The following NRG1 variants were observed in gnomAD, a reference collection of about 807,000 sequenced individuals.
NRG1 encodes the protein neuregulin 1, also known as pro-neuregulin-1, membrane-bound isoform.
Under a neutral mutation model 63.8 loss-of-function variants are expected in NRG1, and 18 were observed. The observed-to-expected ratio is 0.28, with a 90% CI of 0.19 to 0.42. NRG1 has a LOEUF of 0.42. Ranked by LOEUF, NRG1 falls within the 10% of genes least tolerant of loss-of-function variation. The probability of loss-of-function intolerance (pLI) is 1.00; values close to 1 mark genes in which losing one functional copy is unlikely to be tolerated. For missense variants in NRG1, 762 were observed against 814.7 expected (o/e 0.94, Z 0.79); for synonymous variants, 302 against 301.3 (o/e 1.00, Z -0.02).
intron 1 of NRG1, among the ~76,000 whole-genome samples, chr8:31,818,786 G>C (rs1376242774): frequency 6.6e-6 from 1 of 152,120 alleles, no homozygotes; most frequent in Non-Finnish European, 1.5e-5. Context: ...GGCTGGGCGC[G>C]GTGGCTCACG....
At chr8:31,893,231 G>A (rs1187632236) in intron 1 of NRG1, among the ~76,000 whole-genome samples, 2 of 150,738 alleles carry the variant, frequency 1.3e-5, no homozygotes, top group Non-Finnish European at 3.0e-5. Context: ...AGATACTGGA[G>A]CAACTGGATA....
At chr8:32,421,221 C>A (rs1316010948) in intron 1 of NRG1, among the ~76,000 whole-genome samples, 1 of 151,952 alleles carries the variant, frequency 6.6e-6, no homozygotes, top group Non-Finnish European at 1.5e-5. Context: ...TACTATAGAC[C>A]CCAAGATTGA....
intron 1 of NRG1, among the ~76,000 whole-genome samples, chr8:31,653,119 C>A (rs953459548): frequency 1.7e-4 from 25 of 149,480 alleles, no homozygotes; most frequent in Non-Finnish European, 1.0e-4. Context: ...TAAACGTTAA[C>A]AGTGTTTATC....
intron 5 of NRG1, among the ~76,000 whole-genome samples, chr8:32,626,125 A>G (rs1002700324): frequency 1.3e-5 from 2 of 152,102 alleles, no homozygotes; most frequent in Non-Finnish European, 2.9e-5. Flanking sequence ...GAAAATGAAT[A>G]GATAATAACC....
At chr8:32,650,160 T>G (rs1261092697) in intron 5 of NRG1, among the ~76,000 whole-genome samples, 5 of 152,236 alleles carry the variant, frequency 3.3e-5, no homozygotes, top group Non-Finnish European at 5.9e-5. Flanking sequence ...TGATAAATTA[T>G]TTTATAAAGT....
At chr8:31,788,557 T>C (rs1820398091) in intron 1 of NRG1, among the ~76,000 whole-genome samples, 1 of 152,196 alleles carries the variant, frequency 6.6e-6, no homozygotes, top group African/African-American at 2.4e-5. Flanking sequence ...TTGAGAGTTC[T>C]TAAGACTATT....
At chr8:32,770,824 A>G (rs752679846), downstream of NRG1, among the ~76,000 whole-genome samples, 1 of 152,182 alleles carries the variant, frequency 6.6e-6, no homozygotes, top group African/African-American at 2.4e-5. Flanking sequence ...AAACTTGAAT[A>G]CATGTAAGGA....
At chr8:32,402,202 C>A (rs966678463) in intron 1 of NRG1, among the ~76,000 whole-genome samples, 4 of 152,114 alleles carry the variant, frequency 2.6e-5, no homozygotes, top group Admixed American at 2.6e-4. Context: ...TGTGAGCCAC[C>A]ACGCCTGGCC....
At chr8:32,721,210 G>A (rs1338174678) in intron 5 of NRG1, among the ~76,000 whole-genome samples, 1 of 152,160 alleles carries the variant, frequency 6.6e-6, no homozygotes, top group Non-Finnish European at 1.5e-5. Flanking sequence ...ATTCTTTTGA[G>A]ATGATCTGTA....
intron 1 of NRG1, among the ~76,000 whole-genome samples, chr8:31,740,472 AT>A (rs1279122597): frequency 6.6e-6 from 1 of 152,058 alleles, no homozygotes; most frequent in Non-Finnish European, 1.5e-5. Flanking sequence ...GAGTTCAGTG[AT>A]TTTTTTCTGT....
chr8:32,089,783 C>G (rs1013589440), intron 1 of NRG1, among the ~76,000 whole-genome samples: 1 of 151,862 alleles, frequency 6.6e-6, no homozygotes, highest in East Asian at 1.9e-4. Context: ...TTGGTGAGGA[C>G]ACATATAGGT....
chr8:32,142,510 AG>A (rs1836395829), intron 1 of NRG1, among the ~76,000 whole-genome samples: 1 of 152,184 alleles, frequency 6.6e-6, no homozygotes, highest in Non-Finnish European at 1.5e-5. Flanking sequence ...TACAAGCATT[AG>A]GTTTCTAAAC....
intron 1 of NRG1, among the ~76,000 whole-genome samples, chr8:32,305,658 A>G (rs1464385289): frequency 1.3e-5 from 2 of 152,220 alleles, no homozygotes; most frequent in Non-Finnish European, 2.9e-5. Flanking sequence ...ATTTTAACAA[A>G]AATAGATCTC....
At chr8:32,205,349 A>G (rs998100133) in intron 1 of NRG1, among the ~76,000 whole-genome samples, 1 of 152,298 alleles carries the variant, frequency 6.6e-6, no homozygotes, top group African/African-American at 2.4e-5. Flanking sequence ...TTCCCCAGTG[A>G]TTCTCTGAAC....
At chr8:32,329,465 A>G (rs1475099618) in intron 1 of NRG1, among the ~76,000 whole-genome samples, 1 of 152,224 alleles carries the variant, frequency 6.6e-6, no homozygotes, top group Non-Finnish European at 1.5e-5. Context: ...AAGCATTTTT[A>G]AAAACATGAT....
At chr8:32,304,900 T>C (rs940301471) in intron 1 of NRG1, among the ~76,000 whole-genome samples, 1 of 152,030 alleles carries the variant, frequency 6.6e-6, no homozygotes, top group Non-Finnish European at 1.5e-5. Context: ...CCCACACCTG[T>C]AATCCTAGCT....
At chr8:32,000,966 A>AT (rs1758104051) in intron 1 of NRG1, among the ~76,000 whole-genome samples, 1 of 151,984 alleles carries the variant, frequency 6.6e-6, no homozygotes, top group Non-Finnish European at 1.5e-5. Context: ...TCAAAATACC[A>AT]TTTTTGCCTT....
chr8:32,286,573 G>A (rs1385137913), intron 1 of NRG1, among the ~76,000 whole-genome samples: 1 of 152,234 alleles, frequency 6.6e-6, no homozygotes, highest in Non-Finnish European at 1.5e-5. Context: ...ATTCTGGCAG[G>A]ATCCAGTGAG....
chr8:31,678,567 T>A (rs181396515), intron 1 of NRG1, among the ~76,000 whole-genome samples: 137 of 152,010 alleles, frequency 9.0e-4, no homozygotes, highest in African/African-American at 3.2e-3. Context: ...CCATATATAT[T>A]TTTTTGACAA....
Sources: gnomAD v4.1 joint callset for allele counts (sites outside exome capture counted in the v4.1 genomes callset) on GRCh38, gnomAD v4.1.1 for gene constraint, MANE v1.5 for transcripts, NCBI Gene and HGNC (gene_info 2026-07-23, HGNC 2026-07-21) for gene names.